Variants in NAV3 observed in about 807,000 individuals in gnomAD.
NAV3 encodes pore membrane and/or filament interacting like protein 1.
NAV3 carries 87 observed loss-of-function variants against 244.7 expected under a neutral mutation model. That is an observed-to-expected ratio of 0.36 (90% CI 0.30 to 0.42). The LOEUF is 0.42. Among genes scored for constraint, NAV3 ranks in the 20% least tolerant of loss-of-function variants. The pLI, the probability that NAV3 is intolerant of heterozygous loss-of-function variation, is 1.00. For missense variants in NAV3, 2,663 were observed against 2,893.3 expected (o/e 0.92, Z 1.83); for synonymous variants, 1,126 against 1,042.2 (o/e 1.08, Z -1.55).
intron 2 of NAV3, among the ~76,000 whole-genome samples, chr12:77,797,676 A>G (rs1871490449): frequency 6.6e-6 from 1 of 151,192 alleles, no homozygotes; most frequent in African/African-American, 2.4e-5. Context: ...CCCCGTCTCT[A>G]CTACAAATAC....
intron 2 of NAV3, among the ~76,000 whole-genome samples, chr12:77,787,829 G>A (rs1161128311): frequency 6.6e-6 from 1 of 152,158 alleles, no homozygotes; most frequent in Non-Finnish European, 1.5e-5. Context: ...TGGGTATAAA[G>A]TCTGATAAAT....
At chr12:77,738,415 C>T (rs1360041380) in intron 2 of NAV3, among the ~76,000 whole-genome samples, 9 of 152,138 alleles carry the variant, frequency 5.9e-5, no homozygotes, top group Non-Finnish European at 1.5e-5. Flanking sequence ...CAATAGCAGC[C>T]AGTTAGTGAG....
At chr12:77,795,644 C>T (rs955269182) in intron 2 of NAV3, among the ~76,000 whole-genome samples, 22 of 152,212 alleles carry the variant, frequency 1.4e-4, no homozygotes, top group African/African-American at 5.1e-4. Context: ...TCATCTAAGG[C>T]TTTCATAACG....
At chr12:78,100,858 C>T (rs66742655) in intron 12 of NAV3, among the ~76,000 whole-genome samples, 22,000 of 152,022 alleles carry the variant, frequency 0.14, 1,619 homozygotes, top group Non-Finnish European at 0.15. Context: ...CCCTTTTTGA[C>T]AATATCTACA....
chr12:77,620,279 T>C (rs1871316946), intron 2 of NAV3, among the ~76,000 whole-genome samples: 1 of 152,186 alleles, frequency 6.6e-6, no homozygotes, highest in African/African-American at 2.4e-5. Flanking sequence ...TGAAAACTGC[T>C]TATCACATGC....
intron 28 of NAV3, among the ~76,000 whole-genome samples, chr12:78,178,833 T>C (rs192310245): frequency 6.6e-6 from 1 of 152,268 alleles, no homozygotes; most frequent in African/African-American, 2.4e-5. Flanking sequence ...GCAAATTTCC[T>C]GCGAAGCTGT....
intron 2 of NAV3, among the ~76,000 whole-genome samples, chr12:77,813,541 C>A (rs1321977606): frequency 6.6e-6 from 1 of 152,150 alleles, no homozygotes; most frequent in Middle Eastern, 3.2e-3. Flanking sequence ...GTTCTCTGTG[C>A]AATTCTGCAT....
At chr12:77,708,023 A>T (rs1875914049) in intron 2 of NAV3, among the ~76,000 whole-genome samples, 1 of 152,068 alleles carries the variant, frequency 6.6e-6, no homozygotes, top group Admixed American at 6.6e-5. Flanking sequence ...GTTCACTCTG[A>T]TGGTAGTTTC....
At chr12:77,933,945 T>C (rs1889074973) in intron 1 of NAV3, among the ~76,000 whole-genome samples, 1 of 152,214 alleles carries the variant, frequency 6.6e-6, no homozygotes, top group Admixed American at 6.5e-5. Flanking sequence ...AACTGTGGTG[T>C]ACAAAATTAT....
At chr12:77,793,833 A>T (rs1466273155) in intron 2 of NAV3, among the ~76,000 whole-genome samples, 1 of 152,254 alleles carries the variant, frequency 6.6e-6, no homozygotes, top group Non-Finnish European at 1.5e-5. Flanking sequence ...CTTTAGGTAT[A>T]TACCCAGTAA....
At chr12:78,043,885 G>C (rs1014631258) in intron 9 of NAV3, among the ~76,000 whole-genome samples, 1 of 152,144 alleles carries the variant, frequency 6.6e-6, no homozygotes, top group South Asian at 2.1e-4. Context: ...TAGGTTGCCT[G>C]TTCACTCTGA....
intron 4 of NAV3, 48 bp from the exon 5 acceptor site, chr12:77,968,471 G>A (rs1020779982): frequency 7.1e-7 from 1 of 1,416,174 alleles, no homozygotes; most frequent in Non-Finnish European, 9.9e-7. Flanking sequence ...TGTTAAAAAG[G>A]ACATTAAATA....
At chr12:78,129,915 A>G (rs1398977765) in intron 18 of NAV3, among the ~76,000 whole-genome samples, 2 of 152,212 alleles carry the variant, frequency 1.3e-5, no homozygotes, top group Non-Finnish European at 2.9e-5. Flanking sequence ...TATATAAAAA[A>G]TTAGTAATAG....
At chr12:77,639,895 G>T (rs1872329111) in intron 2 of NAV3, among the ~76,000 whole-genome samples, 1 of 152,180 alleles carries the variant, frequency 6.6e-6, no homozygotes, top group African/African-American at 2.4e-5. Context: ...GGCCTAAAAA[G>T]ATTTTGACAA....
chr12:77,713,589 G>T (rs2137261702), intron 2 of NAV3, among the ~76,000 whole-genome samples: 1 of 152,264 alleles, frequency 6.6e-6, no homozygotes, highest in Admixed American at 6.5e-5. Context: ...TTGAGCAGAA[G>T]TACTACTGCT....
At chr12:78,068,812 G>A (rs905435213) in intron 12 of NAV3, among the ~76,000 whole-genome samples, 3 of 151,292 alleles carry the variant, frequency 2.0e-5, no homozygotes, top group Admixed American at 1.3e-4. Flanking sequence ...TACTAAAAGA[G>A]CACTTATATG....
At chr12:77,814,408 T>C (rs559220318) in intron 2 of NAV3, among the ~76,000 whole-genome samples, 7 of 152,328 alleles carry the variant, frequency 4.6e-5, no homozygotes, top group African/African-American at 1.7e-4. Flanking sequence ...TACCAAACTC[T>C]ATACCATGCA....
intron 2 of NAV3, among the ~76,000 whole-genome samples, chr12:77,642,967 C>T (rs1872478602): frequency 6.6e-6 from 1 of 151,960 alleles, no homozygotes; most frequent in Non-Finnish European, 1.5e-5. Context: ...TTTATAACCT[C>T]TTGTAATTTT....
chr12:77,894,403 T>C (rs1376728594), intron 1 of NAV3, among the ~76,000 whole-genome samples: 2 of 152,134 alleles, frequency 1.3e-5, no homozygotes, highest in African/African-American at 4.8e-5. Context: ...AATTTAGATT[T>C]GCAAAATGTA....
Sources: allele counts gnomAD v4.1 joint callset (sites outside exome capture counted in the v4.1 genomes callset), GRCh38; gene constraint gnomAD v4.1.1; transcripts MANE v1.5; gene names NCBI Gene and HGNC (gene_info 2026-07-23, HGNC 2026-07-21).